The following OR9Q1 variants were observed in gnomAD, a reference collection of about 807,000 sequenced individuals.
OR9Q1 encodes the protein olfactory receptor 9Q1.
For missense variants in OR9Q1, 374 were observed against 378.8 expected, an observed-to-expected ratio of 0.99 and a Z score of 0.11; for synonymous variants, 153 against 148.6, an observed-to-expected ratio of 1.03 and a Z score of -0.22.
chr11:58,028,744 G>A (rs1297909743), intron 1 of OR9Q1, among the ~76,000 whole-genome samples: 2 of 152,206 alleles, frequency 1.3e-5, no homozygotes, highest in Non-Finnish European at 2.9e-5. Context: ...TATGTGAGAG[G>A]AAGCCAATGT....
intron 2 of OR9Q1, among the ~76,000 whole-genome samples, chr11:58,130,391 CATT>C (rs1410522462): frequency 1.5e-4 from 23 of 152,198 alleles, no homozygotes; most frequent in Admixed American, 1.3e-3. Flanking sequence ...TTATAATATT[CATT>C]ATTAACAGGA....
intron 2 of OR9Q1, chr11:58,118,803 G>A (rs774375622): frequency 6.2e-7 from 1 of 1,614,102 alleles, no homozygotes; most frequent in Non-Finnish European, 8.5e-7. Flanking sequence ...AGGAAATCAG[G>A]ATGACGGAGG....
At chr11:58,112,279 T>G (rs980912005) in intron 2 of OR9Q1, among the ~76,000 whole-genome samples, 8 of 146,998 alleles carry the variant, frequency 5.4e-5, no homozygotes, top group Non-Finnish European at 9.0e-5. Flanking sequence ...GGTGACAGAG[T>G]GAGACTTCGT....
rs777606904 is a variant in OR9Q1 at position 58,180,118 on chromosome 11, T to A, written c.674T>A (p.Ile225Asn). The change falls in exon 3 of 3, where the codon ATC (isoleucine) becomes AAC (asparagine). Residue 225 changes from isoleucine to asparagine, a missense_variant. Coordinates refer to ENST00000335397, the MANE Select transcript of OR9Q1 (RefSeq NM_001005212.4). ...LVSYLFIIVA[I>N]MGIPAGSQAK... ...TCCTACCTGTTTATCATCGTGGCCA[T>A]CATGGGGATCCCTGCTGGAAGCCAG... 1 of 1,614,174 alleles carries A rather than the reference T, an allele frequency of 6.2e-7. No individual in the cohort carries two copies. The highest frequency in any genetic ancestry group is 8.5e-7 in the Non-Finnish European group (1 of 1,180,002).
At chr11:58,080,612 A>G (rs1853578555) in intron 2 of OR9Q1, among the ~76,000 whole-genome samples, 1 of 152,156 alleles carries the variant, frequency 6.6e-6, no homozygotes, top group African/African-American at 2.4e-5. Context: ...CCACCAACGC[A>G]TATAAGCATT....
At chr11:58,144,505 C>G (rs866244023) in intron 2 of OR9Q1, 1 of 152,000 alleles carries the variant, frequency 6.6e-6, no homozygotes, top group Non-Finnish European at 1.5e-5. Context: ...ACCACGGTGA[C>G]AGAATTTTTT....
At chr11:58,101,482 ATTTACT>A (rs1048586109) in intron 2 of OR9Q1, among the ~76,000 whole-genome samples, 3 of 152,012 alleles carry the variant, frequency 2.0e-5, no homozygotes, top group African/African-American at 7.2e-5. Context: ...TGATGAGATT[ATTTACT>A]TTTACTTCTT....
chr11:58,129,258 TG>T (rs1276242660), intron 2 of OR9Q1, among the ~76,000 whole-genome samples: 15 of 151,822 alleles, frequency 9.9e-5, no homozygotes, highest in Non-Finnish European at 1.6e-4. Context: ...TGTGTGTGTG[TG>T]TGTGTGTGTG....
intron 1 of OR9Q1, among the ~76,000 whole-genome samples, chr11:58,038,414 A>G (rs939106369): frequency 2.0e-5 from 3 of 152,222 alleles, no homozygotes; most frequent in African/African-American, 4.8e-5. Flanking sequence ...TATATCTATT[A>G]TAGAGTGAAA....
At chr11:58,027,201 C>T (rs976752189) in intron 1 of OR9Q1, among the ~76,000 whole-genome samples, 9 of 152,182 alleles carry the variant, frequency 5.9e-5, no homozygotes, top group African/African-American at 2.2e-4. Context: ...TATCAGTTGT[C>T]CCCCGTCTCC....
intron 2 of OR9Q1, among the ~76,000 whole-genome samples, chr11:58,091,110 A>T (rs560808508): frequency 2.0e-4 from 30 of 150,814 alleles, no homozygotes; most frequent in Non-Finnish European, 3.4e-4. Flanking sequence ...GGATTCATTG[A>T]TTTTTTGAAG....
intron 1 of OR9Q1, among the ~76,000 whole-genome samples, chr11:58,038,248 A>G (rs533744701): frequency 6.6e-6 from 1 of 152,278 alleles, no homozygotes; most frequent in Admixed American, 6.5e-5. Context: ...CAAGAATTTG[A>G]GGTGCATGAT....
chr11:58,138,755 C>A (rs1381633913), intron 2 of OR9Q1, among the ~76,000 whole-genome samples: 3 of 152,194 alleles, frequency 2.0e-5, no homozygotes, highest in African/African-American at 7.2e-5. Context: ...ATATCTATCA[C>A]CTCACTTAGC....
At chr11:58,039,722 A>C (rs889576711) in intron 1 of OR9Q1, among the ~76,000 whole-genome samples, 1 of 152,008 alleles carries the variant, frequency 6.6e-6, no homozygotes, top group Admixed American at 6.5e-5. Flanking sequence ...TGTTTAGTCC[A>C]CTCCACTCAG....
At chr11:58,112,911 C>T (rs1234978529) in intron 2 of OR9Q1, among the ~76,000 whole-genome samples, 1 of 152,118 alleles carries the variant, frequency 6.6e-6, no homozygotes, top group East Asian at 1.9e-4. Flanking sequence ...AGTGGTGGCT[C>T]ACTATGCTCC....
At chr11:58,091,088 A>C (rs1242324006) in intron 2 of OR9Q1, among the ~76,000 whole-genome samples, 1 of 151,904 alleles carries the variant, frequency 6.6e-6, no homozygotes, top group African/African-American at 2.4e-5. Flanking sequence ...TTTTTAAAAA[A>C]AACAAGCTCC....
At chr11:58,062,534 A>T (rs1590565642) in intron 2 of OR9Q1, among the ~76,000 whole-genome samples, 2 of 152,228 alleles carry the variant, frequency 1.3e-5, no homozygotes, top group South Asian at 2.1e-4. Context: ...TGGAGGTCAC[A>T]CACTCCTAGG....
intron 2 of OR9Q1, chr11:58,077,951 G>A (rs1300226407): frequency 6.6e-6 from 1 of 151,976 alleles, no homozygotes; most frequent in Admixed American, 6.6e-5. Context: ...GAGGCCAGGA[G>A]TTTGAGATCA....
rs963436373 is a variant in OR9Q1, at chr11:58,140,256, G to A, written c.-14-39175G>A. 1.0e-3 allele frequency among the ~76,000 whole-genome samples: 157 copies of A among 152,030 alleles called. 1 individual carries two copies. Among genetic ancestry groups the A allele is most frequent in the Non-Finnish European group, 1.5e-3 (100 of 67,972 alleles). On this transcript the variant is annotated intron_variant, in intron 2 of 2. Transcript: ENST00000335397. ...TAGGTTGCCTGTTCACTCTGATGGT[G>A]GTTTCTTTTGCTGTGCAGAAGCTCT... is the stretch of plus-strand genomic sequence containing the variant.
Sources: gnomAD v4.1 joint callset for allele counts (sites outside exome capture counted in the v4.1 genomes callset) on GRCh38, gnomAD v4.1.1 for gene constraint, MANE v1.5 for transcripts, NCBI Gene and HGNC (gene_info 2026-07-23, HGNC 2026-07-21) for gene names.